Variants in GRM3 observed in about 807,000 individuals in gnomAD.
The protein encoded by GRM3 is glutamate metabotropic receptor 3.
In GRM3, 26 loss-of-function variants were observed where a neutral mutation model predicts 70.5. That is an observed-to-expected ratio of 0.37 (90% CI 0.27 to 0.51). GRM3 has a LOEUF of 0.51. GRM3 is among the 20% of genes least tolerant of loss of function. GRM3 has a pLI of 0.93. For synonymous variants in GRM3, 443 were observed against 434.9 expected, an observed-to-expected ratio of 1.02 and a Z score of -0.23; for missense variants, 859 against 1,123.8, an observed-to-expected ratio of 0.76 and a Z score of 3.37.
chr7:86,644,748 C>T lies in GRM3; in HGVS notation c.-265C>T, dbSNP rs746150690. The T allele has an allele frequency of 1.6e-6, 2 of 1,249,616 alleles. No homozygotes were observed. The highest frequency in any genetic ancestry group is 2.5e-5 in the South Asian group (2 of 80,214). The allele number at this position is 1,249,616 out of a possible 1,614,324, so 77.4% of individuals were successfully genotyped here. On this transcript the variant is annotated 5_prime_UTR_variant, in exon 1 of 6. Transcript: ENST00000361669. Reference sequence around the variant, plus strand: ...CCCTTGGATTTGGAAAGGACAAAGCCAGTAAGCTACCTCTTTTGTGTCGGA... The same window carrying T: ...CCCTTGGATTTGGAAAGGACAAAGCTAGTAAGCTACCTCTTTTGTGTCGGA...
At chr7:86,753,185 C>A (rs2214860) in intron 1 of GRM3, among the ~76,000 whole-genome samples, 4,276 of 152,146 alleles carry the variant, frequency 0.028, 75 homozygotes, top group East Asian at 0.049. Flanking sequence ...GTCCAGAACA[C>A]CCCCAATTTC....
chr7:86,770,811 C>T (rs772171749), intron 2 of GRM3, among the ~76,000 whole-genome samples: 5 of 152,054 alleles, frequency 3.3e-5, no homozygotes, highest in Non-Finnish European at 7.4e-5. Context: ...ATCTGATAGA[C>T]AGCTGAATGG....
At chr7:86,665,870 C>T (rs1333705415) in intron 1 of GRM3, among the ~76,000 whole-genome samples, 1 of 152,004 alleles carries the variant, frequency 6.6e-6, no homozygotes, top group African/African-American at 2.4e-5. Context: ...AATGTTAACT[C>T]AGAGTGTCAG....
intron 1 of GRM3, among the ~76,000 whole-genome samples, chr7:86,725,931 C>A (rs996436014): frequency 6.6e-6 from 1 of 152,142 alleles, no homozygotes; most frequent in Admixed American, 6.6e-5. Flanking sequence ...GGACACTAAT[C>A]CCATTTATAA....
intron 2 of GRM3, among the ~76,000 whole-genome samples, chr7:86,766,255 A>G (rs1442454235): frequency 6.6e-6 from 1 of 152,130 alleles, no homozygotes; most frequent in East Asian, 1.9e-4. Flanking sequence ...GCATAATGTC[A>G]TGGAACTCCA....
In GRM3 at chr7:86,795,165, A is replaced by G. The variant is rs546902136; in HGVS notation, c.1324+8049A>G. Among the ~76,000 whole-genome samples, 18 of 152,158 alleles carry G rather than the reference A, an allele frequency of 1.2e-4. 1 individual carries two copies. The highest frequency in any genetic ancestry group is 3.9e-4 in the African/African-American group (16 of 41,556). The stretch of plus-strand genomic sequence containing the variant: ...TTAACCAGCCACTTTGGAAAAGATG[A>G]TTATTTCTCTTTTACTTTTAGAGTG... On this transcript the variant is annotated intron_variant, in intron 3 of 5. Coordinates refer to ENST00000361669, the MANE Select transcript of GRM3 (RefSeq NM_000840.3).
At chr7:86,781,663 T>C (rs1382689218) in intron 2 of GRM3, among the ~76,000 whole-genome samples, 1 of 152,142 alleles carries the variant, frequency 6.6e-6, no homozygotes, top group African/African-American at 2.4e-5. Flanking sequence ...TTCTCACCTA[T>C]AAAACAAAAG....
At chr7:86,810,301 C>T (rs1390377449) in intron 3 of GRM3, among the ~76,000 whole-genome samples, 1 of 151,826 alleles carries the variant, frequency 6.6e-6, no homozygotes, top group African/African-American at 2.4e-5. Flanking sequence ...TGTGGTCATC[C>T]TTAATATTTA....
At chr7:86,783,132 A>G (rs1211307572) in intron 2 of GRM3, among the ~76,000 whole-genome samples, 1 of 152,208 alleles carries the variant, frequency 6.6e-6, no homozygotes, top group African/African-American at 2.4e-5. Context: ...AACCCAGTTA[A>G]CAACTACCTG....
At chr7:86,667,768 C>A (rs958383781) in intron 1 of GRM3, among the ~76,000 whole-genome samples, 1 of 152,150 alleles carries the variant, frequency 6.6e-6, no homozygotes, top group Non-Finnish European at 1.5e-5. Flanking sequence ...GCCCTTCTAA[C>A]GGTGTACTCT....
Position 86,786,626 on chromosome 7 carries a change from C to G in GRM3, c.834C>G (p.Ser278Arg), listed in dbSNP as rs764941158. 4.3e-6 allele frequency: 7 copies of G among 1,612,458 alleles called. No individual in the cohort carries two copies. The Admixed American group carries it at 1.2e-4, about 27-fold the overall frequency. Residue 278 changes from serine to arginine, a missense_variant, in exon 3 of 6, where the codon AGC becomes AGG. Coordinates refer to ENST00000361669, the MANE Select transcript of GRM3 (RefSeq NM_000840.3). The surrounding 1 kb of genome is among the most constrained non-coding windows in gnomAD (Gnocchi z 6.0). Reference protein sequence around the residue: ...NARVVVLFMRSDDSRELIAAA... With the variant: ...NARVVVLFMRRDDSRELIAAA... ...GCGTCGTGGTCCTCTTCATGCGCAG[C>G]GACGACTCGCGGGAGCTCATTGCAG...
chr7:86,840,777 C>T (rs1321359386), intron 4 of GRM3, among the ~76,000 whole-genome samples: 1 of 152,124 alleles, frequency 6.6e-6, no homozygotes, highest in Non-Finnish European at 1.5e-5. Context: ...TTTCCAGAAG[C>T]ATAATGGTTT....
At chr7:86,740,376 C>T (rs1057326556) in intron 1 of GRM3, among the ~76,000 whole-genome samples, 1 of 151,770 alleles carries the variant, frequency 6.6e-6, no homozygotes, top group East Asian at 1.9e-4. Context: ...GGGGAGAAAA[C>T]AATGAGATAA....
chr7:86,668,173 G>A (rs1794077895), intron 1 of GRM3, among the ~76,000 whole-genome samples: 1 of 152,096 alleles, frequency 6.6e-6, no homozygotes, highest in Non-Finnish European at 1.5e-5. Context: ...GCTAGTAAGA[G>A]TAGCATGTTA....
At chr7:86,854,494 G>A (rs79284070) in intron 5 of GRM3, among the ~76,000 whole-genome samples, 2,490 of 152,138 alleles carry the variant, frequency 0.016, 48 homozygotes, top group East Asian at 0.088. Flanking sequence ...TACAATTAAA[G>A]TTGTGCCTAA....
At chr7:86,847,352 C>CACACTGGG (rs1194232736) in intron 4 of GRM3, among the ~76,000 whole-genome samples, 5 of 152,134 alleles carry the variant, frequency 3.3e-5, no homozygotes, top group Admixed American at 3.3e-4. Context: ...CTTTGGCTTG[C>CACACTGGG]ACACTGGGTG....
At chr7:86,808,808 G>T (rs1305726210) in intron 3 of GRM3, among the ~76,000 whole-genome samples, 1 of 152,072 alleles carries the variant, frequency 6.6e-6, no homozygotes, top group African/African-American at 2.4e-5. Flanking sequence ...CATAAGGTGT[G>T]AGCCACCTGT....
chr7:86,722,395 A>C (rs927958565), intron 1 of GRM3, among the ~76,000 whole-genome samples: 3 of 152,146 alleles, frequency 2.0e-5, no homozygotes, highest in African/African-American at 7.2e-5. Flanking sequence ...AATGTGGTAC[A>C]TATACACCAT....
intron 1 of GRM3, among the ~76,000 whole-genome samples, chr7:86,712,909 G>A (rs1209611346): frequency 6.6e-6 from 1 of 151,684 alleles, no homozygotes; most frequent in African/African-American, 2.4e-5. Flanking sequence ...TTTATATTTT[G>A]GCTATTGTGA....
Sources: allele counts gnomAD v4.1 joint callset (sites outside exome capture counted in the v4.1 genomes callset), GRCh38; gene constraint gnomAD v4.1.1; non-coding constraint Gnocchi (gnomAD v3.1); transcripts MANE v1.5; gene names NCBI Gene and HGNC (gene_info 2026-07-23, HGNC 2026-07-21).